HTRA3: variants seen among roughly 807,000 people sequenced by gnomAD.
The protein encoded by HTRA3 is HtrA serine peptidase 3, also known as serine protease HTRA3.
In HTRA3, 41 loss-of-function variants were observed where a neutral mutation model predicts 43.2. The observed-to-expected ratio is 0.95, with a 90% confidence interval of 0.74 to 1.23. HTRA3 has a LOEUF of 1.23. HTRA3 is among the 50% of genes most tolerant of loss of function. HTRA3 has a pLI of 0.00. For missense variants in HTRA3, 628 were observed against 647.1 expected, an observed-to-expected ratio of 0.97 and a Z score of 0.32; for synonymous variants, 295 against 287.9, an observed-to-expected ratio of 1.02 and a Z score of -0.25.
At position 8,292,363 on chromosome 4, in the gene HTRA3, C is replaced by T. The variant is rs374869630; in HGVS notation, c.936+10C>T. On this transcript the variant is annotated intron_variant, in intron 5 of 8. Transcript: ENST00000307358. ...ACCACTGGTGAACCTGGTAAGTGTC[C>T]CCTAGAGCCAAAATCTCTCAGGTTT... is the stretch of plus-strand genomic sequence containing the variant. 2.5e-6 allele frequency: 4 copies of T among 1,611,712 alleles called. No individual in the cohort carries two copies. The highest frequency in any genetic ancestry group is 2.7e-5 in the African/African-American group (2 of 74,872).
rs535648547 is a variant in HTRA3, at chr4:8,293,624, G to A, written c.937-463G>A. ...CCTCATGGGGGGCAGGGCAGGTTTG[G>A]AGGGTCTCCAAAGAGAGGGATGGGG... On this transcript the variant is annotated intron_variant, in intron 5 of 8. Transcript: ENST00000307358. Among the ~76,000 whole-genome samples, 13 of 152,238 alleles carry A rather than the reference G, an allele frequency of 8.5e-5. 1 individual carries two copies. Among genetic ancestry groups the A allele is most frequent in the African/African-American group, 3.1e-4 (13 of 41,536 alleles).
Position 8,286,807 on chromosome 4 carries a change from C to G in HTRA3, c.708+24C>G, listed in dbSNP as rs150867011. On this transcript the variant is annotated intron_variant, in intron 3 of 8. Transcript: ENST00000307358. The surrounding 1 kb of genome is among the most constrained non-coding windows in gnomAD (Gnocchi z 4.9). ...AGGTGGGTGGGCGTGGGTGGAGGGGCGGAAGCACCTGGGGCTGGGCATGGT... is the reference window on the plus strand; with the variant it reads ...AGGTGGGTGGGCGTGGGTGGAGGGGGGGAAGCACCTGGGGCTGGGCATGGT... The G allele has an allele frequency of 1.9e-6, 3 of 1,566,338 alleles. No homozygotes were observed. The highest frequency in any genetic ancestry group is 2.6e-6 in the Non-Finnish European group (3 of 1,140,268).
At chr4:8,301,285 G>A in intron 6 of HTRA3, among the ~76,000 whole-genome samples, 1 of 133,850 alleles carries the variant, frequency 7.5e-6, no homozygotes, top group South Asian at 2.5e-4. Flanking sequence ...TTATTATTGA[G>A]TCACACTCAT....
intron 3 of HTRA3, among the ~76,000 whole-genome samples, chr4:8,288,635 G>A (rs1713094069): frequency 1.4e-5 from 2 of 144,032 alleles, no homozygotes; most frequent in South Asian, 4.5e-4. Context: ...TGCAGTAGCA[G>A]GATCTCGGCT....
rs1442731665 is a variant in HTRA3 at position 8,281,366 on chromosome 4, C to G, written c.386-1071C>G. On this transcript the variant is annotated intron_variant, in intron 1 of 8. Transcript: ENST00000307358. ...CTGAGCCCTCTTTGCTCCCCATTGC[C>G]AAGGTGGCTGGGTGGGTGGGTAGCC... 3.3e-5 allele frequency among the ~76,000 whole-genome samples: 5 copies of G among 152,072 alleles called. No individual in the cohort carries two copies. The East Asian group carries it at 9.6e-4, about 29-fold the overall frequency.
chr4:8,270,175 T>A lies in HTRA3; in HGVS notation c.207T>A (p.Pro69=). 1 of 1,536,980 alleles carries A rather than the reference T, an allele frequency of 6.5e-7. No homozygotes were observed. The highest frequency in any genetic ancestry group is 8.7e-7 in the Non-Finnish European group (1 of 1,155,096). ...CCTGTGGCGGCCCTCTGGACTCGCC[T>A]TGCGGCGAGAGCCTGGAGTGCGTGC... ...GEPCGGPLDS[P]CGESLECVRG... is the part of the protein sequence containing the mutation. The change falls in exon 1 of 9, where the codon CCT becomes CCA. Residue 69 remains proline, a synonymous_variant. Coordinates refer to ENST00000307358, the MANE Select transcript of HTRA3 (RefSeq NM_053044.5).
At chr4:8,304,689 C>T (rs1291927833) in intron 8 of HTRA3, among the ~76,000 whole-genome samples, 1 of 103,798 alleles carries the variant, frequency 9.6e-6, no homozygotes, top group African/African-American at 3.8e-5. Context: ...CAGTCTCCCT[C>T]TTGTTGCCCA....
chr4:8,291,074 C>T (rs977284625), intron 3 of HTRA3, among the ~76,000 whole-genome samples: 15 of 152,244 alleles, frequency 9.9e-5, no homozygotes, highest in East Asian at 9.6e-4. Context: ...TTGGGCTCAA[C>T]GACCTTGGAG....
At chr4:8,274,672 C>A (rs1712446251) in intron 1 of HTRA3, among the ~76,000 whole-genome samples, 1 of 152,198 alleles carries the variant, frequency 6.6e-6, no homozygotes, top group African/African-American at 2.4e-5. Flanking sequence ...AATGTCCATC[C>A]ACGGGATGGT....
chr4:8,272,279 C>G (rs1712311071), intron 1 of HTRA3, among the ~76,000 whole-genome samples: 1 of 152,158 alleles, frequency 6.6e-6, no homozygotes, highest in Non-Finnish European at 1.5e-5. Flanking sequence ...AGCCATGTAG[C>G]AGACCCTGTT....
chr4:8,288,650 G>A (rs1182491197), intron 3 of HTRA3, among the ~76,000 whole-genome samples: 1 of 148,684 alleles, frequency 6.7e-6, no homozygotes, highest in Non-Finnish European at 1.5e-5. Context: ...TCGGCTCACT[G>A]CAACCTCCAC....
rs1713407601 is a variant in HTRA3 at position 8,295,027 on chromosome 4, T to A, written c.1051+826T>A. On this transcript the variant is annotated intron_variant, in intron 6 of 8. Coordinates refer to ENST00000307358, the MANE Select transcript of HTRA3 (RefSeq NM_053044.5). This position sits in a 1 kb window ranked among gnomAD's most constrained non-coding sequence, Gnocchi z 6.9. Reference sequence around the variant, plus strand: ...CCATTCATCCACTCATCCACCCACCTATCCACCCATTCACCCACCTGGCCA... The same window carrying A: ...CCATTCATCCACTCATCCACCCACCAATCCACCCATTCACCCACCTGGCCA... Among the ~76,000 whole-genome samples the A allele has an allele frequency of 6.6e-6, 1 of 151,628 alleles. No homozygotes were observed. Among genetic ancestry groups the A allele is most frequent in the Non-Finnish European group, 1.5e-5 (1 of 67,892 alleles).
At chr4:8,301,368 TTTA>T (rs1444957818) in intron 6 of HTRA3, among the ~76,000 whole-genome samples, 1 of 152,158 alleles carries the variant, frequency 6.6e-6, no homozygotes. Context: ...CACACTCAGC[TTTA>T]TTATTGATTT....
Position 8,304,643 on chromosome 4 carries a change from G to GTTTTTTGTGTTTTTTTTTTTT in HTRA3, c.1196+370_1196+371insGTGTTTTTTTTTTTTTTTTTT, listed in dbSNP as rs1560144611. On this transcript the variant is annotated intron_variant, in intron 8 of 8. Coordinates refer to ENST00000307358, the MANE Select transcript of HTRA3 (RefSeq NM_053044.5). ...TAAAGTGGAGATAATTCAGCCTATTGTTTTTTTTTTTTTTTTTTTTTTTTT... is the reference window on the plus strand; with the variant it reads ...TAAAGTGGAGATAATTCAGCCTATTGTTTTTTGTGTTTTTTTTTTTTTTTTTTTTTTTTTTTTTTTTTTTTT... 9.6e-5 allele frequency among the ~76,000 whole-genome samples: 6 copies of GTTTTTTGTGTTTTTTTTTTTT among 62,736 alleles called. 2 individuals are homozygous for GTTTTTTGTGTTTTTTTTTTTT. Among genetic ancestry groups the GTTTTTTGTGTTTTTTTTTTTT allele is most frequent in the Non-Finnish European group, 1.1e-4 (4 of 35,628 alleles). 41.2% of individuals were successfully genotyped at this position (62,736 alleles called of 152,430 possible).
At chr4:8,284,276 A>G (rs533453462) in intron 2 of HTRA3, among the ~76,000 whole-genome samples, 211 of 152,292 alleles carry the variant, frequency 1.4e-3, no homozygotes, top group African/African-American at 4.8e-3. Flanking sequence ...TGAGGAAATT[A>G]TAACTGGATG....
At chr4:8,299,402 T>G (rs1331987690) in intron 6 of HTRA3, among the ~76,000 whole-genome samples, 1 of 152,252 alleles carries the variant, frequency 6.6e-6, no homozygotes, top group South Asian at 2.1e-4. Flanking sequence ...TTCCATCAGA[T>G]TTCCTACATA....
At chr4:8,273,660 C>A (rs747477796) in intron 1 of HTRA3, among the ~76,000 whole-genome samples, 2 of 152,028 alleles carry the variant, frequency 1.3e-5, no homozygotes, top group African/African-American at 2.4e-5. Flanking sequence ...CCGCCTCGGG[C>A]TCTACTCTTC....
intron 1 of HTRA3, among the ~76,000 whole-genome samples, chr4:8,281,494 C>T (rs1055177651): frequency 2.0e-5 from 3 of 152,218 alleles, no homozygotes; most frequent in Admixed American, 6.5e-5. Flanking sequence ...AGTTGAGGCC[C>T]AGAGAACGTA....
chr4:8,294,093 G>T lies in HTRA3; in HGVS notation c.943G>T (p.Glu315Ter). Residue 315 changes from glutamate to a stop codon, truncating the protein, a stop_gained, in exon 6 of 9, where the codon GAG becomes TAG. Transcript: ENST00000307358. LOFTEE classifies it high-confidence loss of function. ...SGGPLVNLDG[E>*]VIGINTLKVT... Reference sequence around the variant, plus strand: ...CTCTTACCTCCCTGCCCAGGATGGCGAGGTCATTGGCATCAACACGCTCAA... The same window carrying T: ...CTCTTACCTCCCTGCCCAGGATGGCTAGGTCATTGGCATCAACACGCTCAA... 1 of 1,608,574 alleles carries T rather than the reference G, an allele frequency of 6.2e-7. No homozygotes were observed. Among genetic ancestry groups the T allele is most frequent in the Non-Finnish European group, 8.5e-7 (1 of 1,177,290 alleles).
Sources: gnomAD v4.1 joint callset for allele counts (sites outside exome capture counted in the v4.1 genomes callset) on GRCh38, gnomAD v4.1.1 for gene constraint, Gnocchi (gnomAD v3.1) non-coding constraint, MANE v1.5 for transcripts, NCBI Gene and HGNC (gene_info 2026-07-23, HGNC 2026-07-21) for gene names.